GLT1D1: variants seen among roughly 807,000 people sequenced by gnomAD.
The protein encoded by GLT1D1 is glycosyltransferase 1 domain containing 1, also known as glycosyltransferase 1 domain-containing protein 1.
Under a neutral mutation model 28.7 loss-of-function variants are expected in GLT1D1, and 21 were observed. That is an observed-to-expected ratio of 0.73 (90% CI 0.52 to 1.05). The LOEUF (loss-of-function observed/expected upper bound fraction) is 1.05. Ranked by LOEUF, GLT1D1 falls within the 50% of genes least tolerant of loss-of-function variation. GLT1D1 has a pLI of 0.00. For missense variants in GLT1D1, 343 were observed against 330.6 expected, an observed-to-expected ratio of 1.04 and a Z score of -0.29; for synonymous variants, 147 against 124.8, an observed-to-expected ratio of 1.18 and a Z score of -1.19.
At position 128,899,226 on chromosome 12, in the gene GLT1D1, C is replaced by A; in HGVS notation, c.324-10C>A. 6.2e-7 allele frequency: 1 copy of A among 1,606,672 alleles called. No homozygotes were observed. The highest frequency in any genetic ancestry group is 8.5e-7 in the Non-Finnish European group (1 of 1,173,392). ...CCTAATTGTTTCTATTATTTTTGTT[C>A]ATTTACTAGATTTGCTGTCGCTTTC... On this transcript the variant is annotated splice_polypyrimidine_tract_variant and intron_variant, in intron 3 of 7. Coordinates refer to ENST00000281703, the MANE Select transcript of GLT1D1 (RefSeq NM_144669.3).
intron 7 of GLT1D1, among the ~76,000 whole-genome samples, chr12:128,980,508 G>A (rs996821802): frequency 1.3e-5 from 2 of 152,220 alleles, no homozygotes; most frequent in Admixed American, 6.5e-5. Flanking sequence ...AGCTGGATTC[G>A]CGGGGTGGTG....
Position 128,899,212 on chromosome 12 carries a change from C to T in GLT1D1, c.324-24C>T, listed in dbSNP as rs763647472. 30 of 1,588,780 alleles carry T rather than the reference C, an allele frequency of 1.9e-5. No homozygotes were observed. The South Asian group carries it at 3.0e-4, about 16-fold the overall frequency. On this transcript the variant is annotated intron_variant, in intron 3 of 7. Transcript: ENST00000281703. ...TAATTGAATTCTGGCCTAATTGTTT[C>T]TATTATTTTTGTTCATTTACTAGAT...
intron 4 of GLT1D1, chr12:128,906,784 T>A (rs979733594): frequency 1.1e-5 from 6 of 560,884 alleles, no homozygotes; most frequent in African/African-American, 9.4e-5. Context: ...ATTTATCTAC[T>A]TTGCCTTGGC....
chr12:128,894,791 A>G (rs1869441917), intron 3 of GLT1D1, among the ~76,000 whole-genome samples: 1 of 152,068 alleles, frequency 6.6e-6, no homozygotes, highest in Admixed American at 6.6e-5. Flanking sequence ...CGGAGGTTAC[A>G]GTGAGCTGAG....
At chr12:128,951,735 C>G (rs751182264) in intron 6 of GLT1D1, among the ~76,000 whole-genome samples, 1 of 152,238 alleles carries the variant, frequency 6.6e-6, no homozygotes, top group Non-Finnish European at 1.5e-5. Flanking sequence ...ACCAGCTGCA[C>G]AACGTCATCA....
At chr12:128,926,702 C>A (rs1873257703) in intron 4 of GLT1D1, among the ~76,000 whole-genome samples, 1 of 152,122 alleles carries the variant, frequency 6.6e-6, no homozygotes, top group South Asian at 2.1e-4. Flanking sequence ...ATAAAAATAG[C>A]AAATAATGAT....
rs1239340685 is a variant in GLT1D1 at position 128,983,809 on chromosome 12, A to C, written c.*719A>C. ...AATCGCCCGCGTGACCCTGAGATGG[A>C]GGCCTGAGGCTTTGGGTCCAGGGTG... On this transcript the variant is annotated 3_prime_UTR_variant, in exon 8 of 8. Transcript: ENST00000281703. The surrounding 1 kb of genome is among the most constrained non-coding windows in gnomAD (Gnocchi z 4.7). 1 of 152,200 alleles carries C rather than the reference A, an allele frequency of 6.6e-6. No homozygotes were observed. The highest frequency in any genetic ancestry group is 1.5e-5 in the Non-Finnish European group (1 of 68,048). 9.4% of individuals were successfully genotyped at this position (152,200 alleles called of 1,614,324 possible). A position where few individuals can be genotyped will look rare whatever the true frequency, so the allele number is the denominator to read the frequency against.
chr12:128,875,814 A>G, intron 1 of GLT1D1, 100 bp from the exon 2 acceptor site: 5 of 1,154,458 alleles, frequency 4.3e-6, no homozygotes, highest in Non-Finnish European at 6.1e-6. Flanking sequence ...AACAACAACA[A>G]CAACAACCAA....
intron 4 of GLT1D1, chr12:128,944,942 C>T: frequency 5.6e-6 from 3 of 538,596 alleles, no homozygotes; most frequent in Non-Finnish European, 9.9e-6. Flanking sequence ...CGCTATCCCT[C>T]CTCCAGCCCC....
chr12:128,930,745 ACT>A (rs919495478), intron 4 of GLT1D1, among the ~76,000 whole-genome samples: 5 of 152,096 alleles, frequency 3.3e-5, no homozygotes, highest in African/African-American at 9.6e-5. Context: ...AGAAGTAAAG[ACT>A]CTGGGCGCGT....
At position 128,899,321 on chromosome 12, in the gene GLT1D1, T is replaced by C. The variant is rs1362239106; in HGVS notation, c.375+34T>C. On this transcript the variant is annotated intron_variant, in intron 4 of 7. Coordinates refer to ENST00000281703, the MANE Select transcript of GLT1D1 (RefSeq NM_144669.3). ...TTATCTGGTGTTGTTATTTTGGTTG[T>C]GCTGATGAAATTGCAGAATTCGAGA... 3.1e-6 allele frequency: 5 copies of C among 1,591,606 alleles called. No homozygotes were observed. The Admixed American group carries it at 8.3e-5, about 27-fold the overall frequency.
At chr12:128,970,204 G>A (rs1878900437) in intron 7 of GLT1D1, among the ~76,000 whole-genome samples, 1 of 152,080 alleles carries the variant, frequency 6.6e-6, no homozygotes, top group South Asian at 2.1e-4. Flanking sequence ...CAGCCTTAGG[G>A]GTAATGCTGC....
At chr12:128,962,375 A>C (rs556836218) in intron 7 of GLT1D1, among the ~76,000 whole-genome samples, 14 of 152,390 alleles carry the variant, frequency 9.2e-5, no homozygotes, top group African/African-American at 3.1e-4. Context: ...CAGGACTAAG[A>C]TATCAGCAAT....
At chr12:128,854,433 G>A (rs1204808542) in intron 1 of GLT1D1, among the ~76,000 whole-genome samples, 1 of 147,582 alleles carries the variant, frequency 6.8e-6, no homozygotes, top group Non-Finnish European at 1.5e-5. Flanking sequence ...GTGTGTGTGT[G>A]TGTGTAAAAG....
At chr12:128,872,832 A>G (rs1005280412) in intron 1 of GLT1D1, among the ~76,000 whole-genome samples, 6 of 152,082 alleles carry the variant, frequency 3.9e-5, no homozygotes, top group African/African-American at 1.4e-4. Flanking sequence ...CAACAATACA[A>G]AAGCTCGTGT....
intron 7 of GLT1D1, among the ~76,000 whole-genome samples, chr12:128,961,178 T>C (rs1455083171): frequency 2.0e-5 from 3 of 152,196 alleles, no homozygotes; most frequent in Non-Finnish European, 4.4e-5. Context: ...GAGACAGATA[T>C]AAATATGTGA....
chr12:128,932,130 C>G (rs1300275427), intron 4 of GLT1D1, among the ~76,000 whole-genome samples: 9 of 152,132 alleles, frequency 5.9e-5, no homozygotes, highest in Non-Finnish European at 1.3e-4. Flanking sequence ...GAAGGTGCTG[C>G]CGGCTCCTGG....
intron 6 of GLT1D1, among the ~76,000 whole-genome samples, chr12:128,948,481 T>C (rs1876357015): frequency 6.6e-6 from 1 of 152,078 alleles, no homozygotes; most frequent in African/African-American, 2.4e-5. Context: ...GCACACACAC[T>C]GCACACGACA....
intron 2 of GLT1D1, among the ~76,000 whole-genome samples, chr12:128,882,894 C>CTATTTATTTATT (rs60181904): frequency 7.3e-5 from 11 of 149,792 alleles, no homozygotes; most frequent in African/African-American, 2.0e-4. Context: ...CCTCCTCTTT[C>CTATTTATTTATT]TATTTATTTA....
Sources: allele counts gnomAD v4.1 joint callset (sites outside exome capture counted in the v4.1 genomes callset), GRCh38; gene constraint gnomAD v4.1.1; non-coding constraint Gnocchi (gnomAD v3.1); transcripts MANE v1.5; gene names NCBI Gene and HGNC (gene_info 2026-07-23, HGNC 2026-07-21).